CEP85: variants seen among roughly 807,000 people sequenced by gnomAD.
CEP85 encodes centrosomal protein 85.
CEP85 carries 58 observed loss-of-function variants against 93.7 expected under a neutral mutation model. The ratio of observed to expected loss-of-function variants is 0.62; its 90% CI spans 0.50 to 0.77. The LOEUF (loss-of-function observed/expected upper bound fraction) is 0.77, where lower values mean the gene tolerates loss of function less well. Among genes scored for constraint, CEP85 ranks in the 30% least tolerant of loss-of-function variants. The pLI, the probability that CEP85 is intolerant of heterozygous loss-of-function variation, is 0.00. For synonymous variants in CEP85, 314 were observed against 338.6 expected (o/e 0.93, Z 0.80); for missense variants, 868 against 922.0 (o/e 0.94, Z 0.76).
At chr1:26,254,927 T>C (rs2089672621) in intron 3 of CEP85, 2 of 515,556 alleles carry the variant, frequency 3.9e-6, no homozygotes, top group Middle Eastern at 5.1e-4. Flanking sequence ...TTTATTCCAG[T>C]ACAAAGGACT....
Position 26,271,605 on chromosome 1 carries a change from C to T in CEP85, c.1744-416C>T, listed in dbSNP as rs150750104. The T allele has an allele frequency of 2.8e-3, 506 of 182,698 alleles. 3 individuals carry two copies. Among genetic ancestry groups the T allele is most frequent in the African/African-American group, 0.011 (480 of 42,460 alleles). 11.3% of individuals were successfully genotyped at this position (182,698 alleles called of 1,614,324 possible). A position where few individuals can be genotyped will look rare whatever the true frequency, so the allele number is the denominator to read the frequency against. On this transcript the variant is annotated intron_variant, in intron 10 of 13. Transcript: ENST00000451429. ...AGGGTCCCTTCTTGGATAATCAGTA[C>T]GACCAGAGCTGTAAATAACAACAAC...
chr1:26,238,796 G>A (rs890978261), intron 1 of CEP85, among the ~76,000 whole-genome samples: 2 of 152,152 alleles, frequency 1.3e-5, no homozygotes, highest in Non-Finnish European at 2.9e-5. Flanking sequence ...AAGTGTATTT[G>A]TTTAGACTTC....
intron 4 of CEP85, 67 bp from the exon 5 acceptor site, chr1:26,257,530 A>G (rs2089725970): frequency 6.3e-7 from 1 of 1,580,730 alleles, no homozygotes; most frequent in South Asian, 1.2e-5. Context: ...CCAGCTGATT[A>G]CTGCTCAGGT....
At chr1:26,273,901 A>AAATAAATAAATAAATAAAT (rs60960910) in intron 11 of CEP85, among the ~76,000 whole-genome samples, 4 of 141,488 alleles carry the variant, frequency 2.8e-5, no homozygotes, top group East Asian at 2.0e-4. Context: ...ACCCCATCTC[A>AAATAAATAAATAAATAAAT]AAATAAATAA....
At chr1:26,244,773 C>T (rs554134206) in intron 3 of CEP85, among the ~76,000 whole-genome samples, 12 of 152,168 alleles carry the variant, frequency 7.9e-5, no homozygotes, top group East Asian at 7.7e-4. Flanking sequence ...CCACCTGCCT[C>T]GGCCTCCCAA....
At chr1:26,236,077 C>CT (rs1431582588) in intron 1 of CEP85, among the ~76,000 whole-genome samples, 1 of 152,180 alleles carries the variant, frequency 6.6e-6, no homozygotes. Flanking sequence ...TGCTTGATCT[C>CT]TTTTTTTGTG....
chr1:26,277,370 T>A lies in CEP85; in HGVS notation c.*77T>A. ...CCAGCAGGTTTCTGCCCTGACATTC[T>A]CTTGTCTGCTATTCCCAGAGAGGTC... On this transcript the variant is annotated 3_prime_UTR_variant, in exon 14 of 14. Coordinates refer to ENST00000451429, the MANE Select transcript of CEP85 (RefSeq NM_001319944.2). 11 of 1,416,238 alleles carry A rather than the reference T, an allele frequency of 7.8e-6. No individual in the cohort carries two copies. The highest frequency in any genetic ancestry group is 1.1e-5 in the Non-Finnish European group (11 of 1,020,286). 87.7% of individuals were successfully genotyped at this position (1,416,238 alleles called of 1,614,324 possible). A position where few individuals can be genotyped will look rare whatever the true frequency, so the allele number is the denominator to read the frequency against.
chr1:26,238,864 T>C (rs2089372586), intron 1 of CEP85, among the ~76,000 whole-genome samples: 1 of 152,196 alleles, frequency 6.6e-6, no homozygotes, highest in Admixed American at 6.5e-5. Flanking sequence ...AATATAAATA[T>C]TTTAAGGAGT....
intron 6 of CEP85, 98 bp from the exon 7 acceptor site, chr1:26,259,519 G>T: frequency 8.5e-7 from 1 of 1,173,056 alleles, no homozygotes; most frequent in Non-Finnish European, 1.2e-6. Flanking sequence ...GATTCTTGGA[G>T]AAAAATGATA....
chr1:26,276,828 C>T, intron 13 of CEP85, 68 bp downstream of exon 13: 1 of 1,225,720 alleles, frequency 8.2e-7, no homozygotes, highest in South Asian at 1.3e-5. Context: ...CCCCATCCTG[C>T]TTTCCCATAT....
chr1:26,245,807 A>G (rs1459899900), intron 3 of CEP85, among the ~76,000 whole-genome samples: 1 of 152,144 alleles, frequency 6.6e-6, no homozygotes, highest in Non-Finnish European at 1.5e-5. Context: ...AAGTCACAAA[A>G]CTTGTCACTT....
intron 4 of CEP85, 86 bp from the exon 5 acceptor site, chr1:26,257,511 A>T: frequency 6.6e-7 from 1 of 1,513,412 alleles, no homozygotes; most frequent in African/African-American, 1.4e-5. Flanking sequence ...TTGGGCTTTG[A>T]CTACAGACCC....
intron 3 of CEP85, 107 bp from the exon 4 acceptor site, chr1:26,255,064 T>A: frequency 1.2e-6 from 1 of 843,534 alleles, no homozygotes; most frequent in Non-Finnish European, 1.9e-6. Context: ...ATGATGGTGC[T>A]CTCTCTGCTT....
At position 26,269,548 on chromosome 1, in the gene CEP85, G is replaced by C; in HGVS notation, c.1583G>C (p.Arg528Thr). The change falls in exon 9 of 14, where the codon AGA (arginine) becomes ACA (threonine). Residue 528 changes from arginine (R) to threonine (T), a missense_variant. Arg to Thr is a moderately conservative substitution (Grantham distance 71). Transcript: ENST00000451429. ...CTGGAGGAGACCCAGGCAATCTGCAGAGAGAAGGAGATTCAACTGGAAAGC... is the reference window on the plus strand; with the variant it reads ...CTGGAGGAGACCCAGGCAATCTGCACAGAGAAGGAGATTCAACTGGAAAGC... ...SLLEETQAIC[R>T]EKEIQLESLR... is the part of the protein sequence containing the mutation. The C allele has an allele frequency of 5.6e-6, 9 of 1,614,078 alleles. No homozygotes were observed. The highest frequency in any genetic ancestry group is 7.6e-6 in the Non-Finnish European group (9 of 1,179,976).
intron 3 of CEP85, among the ~76,000 whole-genome samples, chr1:26,247,524 C>T (rs574333973): frequency 1.3e-5 from 2 of 151,562 alleles, no homozygotes; most frequent in South Asian, 2.1e-4. Flanking sequence ...CTTGAGCCCA[C>T]GAGTTTGAGT....
rs140649430 is a variant in CEP85, at chr1:26,241,411, T to A, written c.55+1573T>A. ...GTGCCCGCCACCATGCCCAGCTAAT[T>A]TTTTTGCATTTTTTAATAGAGACGG... On this transcript the variant is annotated intron_variant, in intron 2 of 13. Coordinates refer to ENST00000451429, the MANE Select transcript of CEP85 (RefSeq NM_001319944.2). Among the ~76,000 whole-genome samples, 629 of 151,954 alleles carry A rather than the reference T, an allele frequency of 4.1e-3. 4 individuals are homozygous for A. The highest frequency in any genetic ancestry group is 8.3e-3 in the Admixed American group (127 of 15,254).
intron 9 of CEP85, 68 bp downstream of exon 9, chr1:26,269,682 T>TA: frequency 7.8e-7 from 1 of 1,287,590 alleles, no homozygotes; most frequent in Non-Finnish European, 1.1e-6. Context: ...CCTGCTCACT[T>TA]ACCTGTGTGA....
intron 3 of CEP85, among the ~76,000 whole-genome samples, chr1:26,247,128 A>G (rs1431330979): frequency 6.6e-6 from 1 of 152,204 alleles, no homozygotes; most frequent in Non-Finnish European, 1.5e-5. Flanking sequence ...ATGAGGATCA[A>G]ACTAATGCCT....
At chr1:26,251,258 T>G (rs11247886) in intron 3 of CEP85, among the ~76,000 whole-genome samples, 7 of 108,554 alleles carry the variant, frequency 6.4e-5, no homozygotes, top group Admixed American at 2.0e-4. Context: ...TTGGTTTTTT[T>G]TTTTTTTTTT....
Sources: gnomAD v4.1 joint callset for allele counts (sites outside exome capture counted in the v4.1 genomes callset) on GRCh38, gnomAD v4.1.1 for gene constraint, MANE v1.5 for transcripts, NCBI Gene and HGNC (gene_info 2026-07-23, HGNC 2026-07-21) for gene names.